The following GUCY1A1 variants were observed in gnomAD, a reference collection of about 807,000 sequenced individuals.
GUCY1A1 encodes the protein guanylate cyclase 1 soluble subunit alpha 1, also known as guanylate cyclase soluble subunit alpha-1.
GUCY1A1 carries 48 observed loss-of-function variants against 64.5 expected under a neutral mutation model. The ratio of observed to expected loss-of-function variants is 0.74; its 90% CI spans 0.59 to 0.95. The LOEUF is 0.95. Among genes scored for constraint, GUCY1A1 ranks in the 40% least tolerant of loss-of-function variants. The pLI is 0.00. For synonymous variants in GUCY1A1, 308 were observed against 303.4 expected (o/e 1.02, Z -0.16); for missense variants, 804 against 825.3 (o/e 0.97, Z 0.32).
At chr4:155,695,372 T>C (rs1730282059) in intron 2 of GUCY1A1, among the ~76,000 whole-genome samples, 1 of 152,162 alleles carries the variant, frequency 6.6e-6, no homozygotes, top group Non-Finnish European at 1.5e-5. Context: ...TAATTGAACT[T>C]CAACTCTAAA....
At chr4:155,689,190 A>G (rs1729411858) in intron 2 of GUCY1A1, among the ~76,000 whole-genome samples, 1 of 151,908 alleles carries the variant, frequency 6.6e-6, no homozygotes, top group African/African-American at 2.4e-5. Flanking sequence ...TACAGAGTAA[A>G]AAGGAATTAC....
chr4:155,693,106 A>G (rs775469937), intron 2 of GUCY1A1, among the ~76,000 whole-genome samples: 66 of 152,070 alleles, frequency 4.3e-4, no homozygotes, highest in Non-Finnish European at 8.4e-4. Context: ...TAAATTCTAG[A>G]GTTTAAATGA....
At chr4:155,679,972 A>C (rs1735503768) in intron 2 of GUCY1A1, among the ~76,000 whole-genome samples, 1 of 152,124 alleles carries the variant, frequency 6.6e-6, no homozygotes, top group South Asian at 2.1e-4. Context: ...TAACTTTTTA[A>C]GTTTTGAAGC....
At chr4:155,669,704 G>T (rs1048155752) in intron 2 of GUCY1A1, among the ~76,000 whole-genome samples, 2 of 151,876 alleles carry the variant, frequency 1.3e-5, no homozygotes, top group East Asian at 1.9e-4. Flanking sequence ...CGAATTTTAA[G>T]AATTTTGTTA....
intron 2 of GUCY1A1, among the ~76,000 whole-genome samples, chr4:155,683,445 T>C (rs72685779): frequency 1.3e-5 from 2 of 152,324 alleles, no homozygotes; most frequent in Non-Finnish European, 2.9e-5. Flanking sequence ...GAGCCAGTAG[T>C]TCTTTCAATT....
intron 9 of GUCY1A1, among the ~76,000 whole-genome samples, chr4:155,722,794 T>A (rs192705128): frequency 4.1e-4 from 63 of 152,242 alleles, no homozygotes; most frequent in Non-Finnish European, 3.2e-4. Context: ...AGAAACAGTT[T>A]GGGTAAGGTT....
At chr4:155,682,473 G>C (rs527294058) in intron 2 of GUCY1A1, among the ~76,000 whole-genome samples, 3 of 151,898 alleles carry the variant, frequency 2.0e-5, no homozygotes, top group African/African-American at 7.2e-5. Context: ...TTAGGAGTTC[G>C]AGCCTGACCA....
intron 5 of GUCY1A1, among the ~76,000 whole-genome samples, chr4:155,708,802 T>G (rs1209690758): frequency 6.6e-6 from 1 of 152,140 alleles, no homozygotes; most frequent in Admixed American, 6.6e-5. Context: ...ATAATAATAA[T>G]GACTAACGTA....
At chr4:155,706,218 T>C (rs1329069512) in intron 4 of GUCY1A1, among the ~76,000 whole-genome samples, 1 of 152,226 alleles carries the variant, frequency 6.6e-6, no homozygotes, top group African/African-American at 2.4e-5. Context: ...TACTTTTAAA[T>C]TTTCTTGATG....
chr4:155,671,621 G>C (rs1388083407), intron 2 of GUCY1A1, among the ~76,000 whole-genome samples: 2 of 151,920 alleles, frequency 1.3e-5, no homozygotes, highest in Non-Finnish European at 2.9e-5. Context: ...GGTCAGTTTG[G>C]GCAAATTATT....
Position 155,710,522 on chromosome 4 carries a change from C to T in GUCY1A1, c.377-20C>T, listed in dbSNP as rs144746591. The T allele has an allele frequency of 1.4e-4, 187 of 1,358,182 alleles. 1 individual carries two copies. In the African/African-American group the frequency reaches 2.3e-3, roughly 17 times the overall value. 84.1% of individuals were successfully genotyped at this position (1,358,182 alleles called of 1,614,324 possible). A position where few individuals can be genotyped will look rare whatever the true frequency, so the allele number is the denominator to read the frequency against. ...AGGTGGCATATTTGATATGGCAGAA[C>T]ATGTATTATGTGATTTCAGGAGTTC... On this transcript the variant is annotated intron_variant, in intron 5 of 9. Coordinates refer to ENST00000506455, the MANE Select transcript of GUCY1A1 (RefSeq NM_001130682.3).
At chr4:155,700,015 T>G (rs866865377) in intron 3 of GUCY1A1, among the ~76,000 whole-genome samples, 1 of 152,194 alleles carries the variant, frequency 6.6e-6, no homozygotes, top group African/African-American at 2.4e-5. Context: ...AATTTAGATC[T>G]CTTGCTTAAA....
chr4:155,730,815 A>G lies in GUCY1A1; in HGVS notation c.*584A>G, dbSNP rs1735462301. 1 of 153,290 alleles carries G rather than the reference A, an allele frequency of 6.5e-6. No individual in the cohort carries two copies. Among genetic ancestry groups the G allele is most frequent in the Admixed American group, 6.6e-5 (1 of 15,202 alleles). The allele number at this position is 153,290 out of a possible 1,614,324, so 9.5% of individuals were successfully genotyped here. A position where few individuals can be genotyped will look rare whatever the true frequency, so the allele number is the denominator to read the frequency against. On this transcript the variant is annotated 3_prime_UTR_variant, in exon 10 of 10. Coordinates refer to ENST00000506455, the MANE Select transcript of GUCY1A1 (RefSeq NM_001130682.3). ...TAAGCAATTAGGGGTTAGATGCAAT[A>G]TGAATATAAAATAGTTCTGTAAATA...
At chr4:155,706,359 T>G (rs1731756505) in intron 4 of GUCY1A1, among the ~76,000 whole-genome samples, 1 of 152,188 alleles carries the variant, frequency 6.6e-6, no homozygotes, top group East Asian at 1.9e-4. Flanking sequence ...ACTTTCTTAT[T>G]GGTAAGTCAC....
At chr4:155,716,243 G>A (rs988336413) in intron 7 of GUCY1A1, among the ~76,000 whole-genome samples, 2 of 152,128 alleles carry the variant, frequency 1.3e-5, no homozygotes, top group Non-Finnish European at 2.9e-5. Flanking sequence ...ACTCTGAGGG[G>A]AATTTCTGAA....
intron 2 of GUCY1A1, among the ~76,000 whole-genome samples, chr4:155,686,421 C>A (rs1332121770): frequency 6.6e-6 from 1 of 152,200 alleles, no homozygotes; most frequent in Non-Finnish European, 1.5e-5. Flanking sequence ...GCAGAGGTTG[C>A]AGTGAGCCAG....
rs1194391202 is a variant in GUCY1A1 at position 155,713,107 on chromosome 4, C to T, written c.1096C>T (p.Leu366Phe). 1.2e-6 allele frequency: 2 copies of T among 1,609,500 alleles called. No individual in the cohort carries two copies. The highest frequency in any genetic ancestry group is 2.2e-5 in the East Asian group (1 of 44,816). ...SVKKSSRVMDLKGQMIYIVES... is the reference protein window; with the variant it reads ...SVKKSSRVMDFKGQMIYIVES... ...ATCCTTTCCTTCATAGGTTATGGAC[C>T]TCAAAGGCCAAATGATCTACATTGT... The change falls in exon 7 of 10, where the codon CTC (leucine) becomes TTC (phenylalanine). Residue 366 changes from leucine to phenylalanine, a missense_variant. Leu to Phe is a conservative substitution (Grantham distance 22, BLOSUM62 0). Transcript: ENST00000506455.
In GUCY1A1 at chr4:155,735,780, C is replaced by T. The variant is rs943257187; in HGVS notation, c.*5549C>T. 1 of 151,932 alleles carries T rather than the reference C, an allele frequency of 6.6e-6. No individual in the cohort carries two copies. Among genetic ancestry groups the T allele is most frequent in the Non-Finnish European group, 1.5e-5 (1 of 67,954 alleles). 9.4% of individuals were successfully genotyped at this position (151,932 alleles called of 1,614,324 possible). ...CAAAAATGCTATTACAGAAGTTGGA[C>T]AGCCCAATGTGTTAAGTATTATACA... On this transcript the variant is annotated 3_prime_UTR_variant, in exon 10 of 10. Coordinates refer to ENST00000506455, the MANE Select transcript of GUCY1A1 (RefSeq NM_001130682.3).
chr4:155,697,272 T>G, intron 3 of GUCY1A1, 150 bp downstream of exon 3: 2 of 648,790 alleles, frequency 3.1e-6, no homozygotes, highest in South Asian at 3.9e-5. Flanking sequence ...AATATTCTTT[T>G]AAAGCAATTG....
Sources: allele counts gnomAD v4.1 joint callset (sites outside exome capture counted in the v4.1 genomes callset), GRCh38; gene constraint gnomAD v4.1.1; transcripts MANE v1.5; gene names NCBI Gene and HGNC (gene_info 2026-07-23, HGNC 2026-07-21).